SRGAP1: variants seen among roughly 807,000 people sequenced by gnomAD.
SRGAP1 encodes SLIT-ROBO Rho GTPase activating protein 1.
A neutral mutation model predicts 121.9 loss-of-function variants in SRGAP1; 43 were observed. The observed-to-expected ratio is 0.35, with a 90% CI of 0.28 to 0.46. The LOEUF (loss-of-function observed/expected upper bound fraction) is 0.46. Ranked by LOEUF, SRGAP1 falls within the 20% of genes least tolerant of loss-of-function variation. The probability of loss-of-function intolerance (pLI) is 1.00; values close to 1 mark genes in which losing one functional copy is unlikely to be tolerated. For missense variants in SRGAP1, 1,102 were observed against 1,350.9 expected (o/e 0.82, Z 2.89); for synonymous variants, 447 against 485.4 (o/e 0.92, Z 1.04).
Position 64,128,166 on chromosome 12 carries a change from A to C in SRGAP1, c.2846A>C (p.Asp949Ala), listed in dbSNP as rs752400636. 4 of 1,612,816 alleles carry C rather than the reference A, an allele frequency of 2.5e-6. No individual in the cohort carries two copies. The highest frequency in any genetic ancestry group is 3.4e-6 in the Non-Finnish European group (4 of 1,179,308). ...TSSGQYTGFNDHKPLDPETIA... is the reference protein window; with the variant it reads ...TSSGQYTGFNAHKPLDPETIA... The stretch of plus-strand genomic sequence containing the variant: ...TCAGGGCAATACACGGGCTTCAATG[A>C]CCACAAGCCACTGGACCCAGAGACA... Residue 949 changes from aspartate to alanine, a missense_variant, in exon 21 of 22, where the codon GAC (aspartate) becomes GCC (alanine). Asp to Ala is a moderately radical substitution (Grantham distance 126). Transcript: ENST00000355086.
intron 1 of SRGAP1, among the ~76,000 whole-genome samples, chr12:63,935,423 G>C (rs1324907965): frequency 1.3e-5 from 2 of 152,092 alleles, no homozygotes; most frequent in Non-Finnish European, 2.9e-5. Flanking sequence ...TAGAAACACT[G>C]ATTTACACAA....
intron 4 of SRGAP1, among the ~76,000 whole-genome samples, chr12:64,041,529 T>C (rs2035024537): frequency 6.6e-6 from 1 of 151,718 alleles, no homozygotes; most frequent in Non-Finnish European, 1.5e-5. Flanking sequence ...GCTCTACAGG[T>C]GCATGCCACC....
intron 15 of SRGAP1, among the ~76,000 whole-genome samples, chr12:64,102,730 C>T (rs548107046): frequency 6.6e-6 from 1 of 152,274 alleles, no homozygotes; most frequent in African/African-American, 2.4e-5. Flanking sequence ...ATCCATGTTA[C>T]AGTAGGTATC....
At chr12:63,959,431 A>G (rs1049839528) in intron 1 of SRGAP1, among the ~76,000 whole-genome samples, 1 of 152,170 alleles carries the variant, frequency 6.6e-6, no homozygotes, top group East Asian at 1.9e-4. Flanking sequence ...GTCCAGTGCA[A>G]TAGTTAAAGC....
chr12:63,888,225 T>C (rs910563790), intron 1 of SRGAP1: 5 of 152,276 alleles, frequency 3.3e-5, no homozygotes, highest in Admixed American at 3.3e-4. Flanking sequence ...TGCTAGGTCT[T>C]TAACCTTTCA....
intron 3 of SRGAP1, among the ~76,000 whole-genome samples, chr12:64,005,248 G>T (rs1398227371): frequency 2.6e-5 from 4 of 152,316 alleles, no homozygotes; most frequent in African/African-American, 9.6e-5. Context: ...TCAATAATTA[G>T]TAAATAAACA....
chr12:63,938,962 C>A (rs2031764963), intron 1 of SRGAP1, among the ~76,000 whole-genome samples: 1 of 151,452 alleles, frequency 6.6e-6, no homozygotes, highest in African/African-American at 2.4e-5. Flanking sequence ...CAAGACCAGC[C>A]TGGACAACAT....
At chr12:64,017,735 A>G (rs1473145410) in intron 4 of SRGAP1, among the ~76,000 whole-genome samples, 1 of 151,118 alleles carries the variant, frequency 6.6e-6, no homozygotes, top group Admixed American at 6.6e-5. Flanking sequence ...TTTTTCCCAC[A>G]TTTTAGTTCA....
chr12:64,000,555 G>A (rs1298732965), intron 3 of SRGAP1, among the ~76,000 whole-genome samples: 1 of 152,178 alleles, frequency 6.6e-6, no homozygotes, highest in Non-Finnish European at 1.5e-5. Context: ...TAAGGCTACA[G>A]TAAGCAATGA....
intron 4 of SRGAP1, among the ~76,000 whole-genome samples, chr12:64,033,193 C>A (rs975005701): frequency 2.6e-5 from 4 of 151,930 alleles, no homozygotes; most frequent in Admixed American, 1.3e-4. Context: ...TTTGCCCTGT[C>A]ATTTGGTTAC....
chr12:63,998,806 T>C (rs112866528), intron 3 of SRGAP1, among the ~76,000 whole-genome samples: 45 of 152,142 alleles, frequency 3.0e-4, no homozygotes, highest in African/African-American at 1.1e-3. Context: ...TAAGTATGAA[T>C]AAACAGAGAA....
chr12:63,983,876 A>T (rs1303595399), intron 1 of SRGAP1, 71 bp from the exon 2 acceptor site: 1 of 375,174 alleles, frequency 2.7e-6, no homozygotes, highest in Non-Finnish European at 4.6e-6. Context: ...TTCGTGACTT[A>T]TATCTTGCAC....
chr12:63,878,634 T>C (rs908998047), intron 1 of SRGAP1, among the ~76,000 whole-genome samples: 1 of 152,184 alleles, frequency 6.6e-6, no homozygotes, highest in Admixed American at 6.5e-5. Flanking sequence ...TAGAACACGG[T>C]AGGGATGATA....
At chr12:64,117,613 C>CTTATT (rs994669730) in intron 18 of SRGAP1, among the ~76,000 whole-genome samples, 2 of 152,062 alleles carry the variant, frequency 1.3e-5, no homozygotes, top group African/African-American at 2.4e-5. Context: ...CCTATATTCT[C>CTTATT]TTATTTTATT....
chr12:63,944,164 A>G (rs1440607048), intron 1 of SRGAP1, among the ~76,000 whole-genome samples: 1 of 152,148 alleles, frequency 6.6e-6, no homozygotes, highest in Non-Finnish European at 1.5e-5. Context: ...CTCATTTTAT[A>G]ATTGAGGAAA....
At position 63,989,977 on chromosome 12, in the gene SRGAP1, A is replaced by G. The variant is rs752831385; in HGVS notation, c.331A>G (p.Ser111Gly). ...GCTCCTGAACCAAGTAAGGAGAGAA[A>G]GCAAAGACCATGCAACCTTGAGTGA... ...YLLLNQVRRE[S>G]KDHATLSDIY... Residue 111 changes from serine (S) to glycine (G), a missense_variant, in exon 3 of 22, where the codon AGC becomes GGC. By Grantham distance (56) the Ser-to-Gly change is moderately conservative. Transcript: ENST00000355086. 6.2e-7 allele frequency: 1 copy of G among 1,614,002 alleles called. No individual in the cohort carries two copies. Among genetic ancestry groups the G allele is most frequent in the South Asian group, 1.1e-5 (1 of 91,062 alleles).
At chr12:64,022,684 G>A (rs1187448663) in intron 4 of SRGAP1, among the ~76,000 whole-genome samples, 1 of 152,172 alleles carries the variant, frequency 6.6e-6, no homozygotes, top group African/African-American at 2.4e-5. Context: ...TCCCTTTCTG[G>A]TGTGCACAAC....
chr12:64,136,396 A>G (rs1375119951), intron 21 of SRGAP1, among the ~76,000 whole-genome samples: 1 of 152,178 alleles, frequency 6.6e-6, no homozygotes, highest in Non-Finnish European at 1.5e-5. Flanking sequence ...AATCAGTGAG[A>G]AAAGAGGTTA....
At chr12:64,060,814 A>G (rs2035438282) in intron 6 of SRGAP1, among the ~76,000 whole-genome samples, 1 of 152,130 alleles carries the variant, frequency 6.6e-6, no homozygotes, top group African/African-American at 2.4e-5. Context: ...CACTATTTTA[A>G]CAGCAAACCA....
Sources: gnomAD v4.1 joint callset for allele counts (sites outside exome capture counted in the v4.1 genomes callset) on GRCh38, gnomAD v4.1.1 for gene constraint, MANE v1.5 for transcripts, NCBI Gene and HGNC (gene_info 2026-07-23, HGNC 2026-07-21) for gene names.